Variants in EXOC4 observed in about 807,000 individuals in gnomAD.
The protein encoded by EXOC4 is SEC8-like 1.
A neutral mutation model predicts 107.2 loss-of-function variants in EXOC4; 71 were observed. The ratio of observed to expected loss-of-function variants is 0.66; its 90% CI spans 0.55 to 0.81. EXOC4 has a LOEUF of 0.81. EXOC4 is among the 30% of genes least tolerant of loss of function. The pLI, the probability that EXOC4 is intolerant of heterozygous loss-of-function variation, is 0.00. For synonymous variants in EXOC4, 456 were observed against 441.2 expected, an observed-to-expected ratio of 1.03 and a Z score of -0.42; for missense variants, 1,108 against 1,189.6, an observed-to-expected ratio of 0.93 and a Z score of 1.01.
At chr7:133,791,071 A>G (rs1489586032) in intron 10 of EXOC4, among the ~76,000 whole-genome samples, 1 of 152,190 alleles carries the variant, frequency 6.6e-6, no homozygotes, top group Non-Finnish European at 1.5e-5. Flanking sequence ...TACCATTTTT[A>G]TTACAGCTGG....
At chr7:133,840,553 G>A (rs1798004928) in intron 11 of EXOC4, among the ~76,000 whole-genome samples, 1 of 150,580 alleles carries the variant, frequency 6.6e-6, no homozygotes, top group Non-Finnish European at 1.5e-5. Flanking sequence ...CCCCCAGGCT[G>A]GAGTGCAGTG....
chr7:133,752,597 T>G (rs1034148223), intron 10 of EXOC4, among the ~76,000 whole-genome samples: 1 of 152,110 alleles, frequency 6.6e-6, no homozygotes, highest in Non-Finnish European at 1.5e-5. Flanking sequence ...CACCATCTAT[T>G]AGGGAAAATG....
At chr7:133,386,345 T>G (rs558864254) in intron 7 of EXOC4, among the ~76,000 whole-genome samples, 1 of 152,334 alleles carries the variant, frequency 6.6e-6, no homozygotes, top group Admixed American at 6.5e-5. Context: ...TGATGGTAAT[T>G]GCAATAGCTG....
intron 12 of EXOC4, among the ~76,000 whole-genome samples, chr7:133,898,165 G>A (rs73156916): frequency 0.027 from 4,128 of 152,164 alleles, 101 homozygotes; most frequent in Non-Finnish European, 0.044. Context: ...ATTTTTAACA[G>A]TGTCAGTCTT....
At chr7:133,506,918 CT>C (rs910990238) in intron 9 of EXOC4, among the ~76,000 whole-genome samples, 5 of 151,602 alleles carry the variant, frequency 3.3e-5, no homozygotes, top group African/African-American at 9.7e-5. Context: ...TTTTATTGGA[CT>C]TTTTTTTATT....
At chr7:133,870,495 C>A (rs1470820612) in intron 11 of EXOC4, among the ~76,000 whole-genome samples, 1 of 152,176 alleles carries the variant, frequency 6.6e-6, no homozygotes, top group Non-Finnish European at 1.5e-5. Context: ...CTACATCCAG[C>A]TTTTTGCATA....
intron 9 of EXOC4, among the ~76,000 whole-genome samples, chr7:133,514,479 TAAAAC>T (rs1799836089): frequency 6.6e-6 from 1 of 152,190 alleles, no homozygotes; most frequent in South Asian, 2.1e-4. Context: ...TCTTTATACT[TAAAAC>T]AAGTAACTTT....
chr7:133,629,345 C>G (rs1380631978), intron 9 of EXOC4, among the ~76,000 whole-genome samples: 1 of 152,130 alleles, frequency 6.6e-6, no homozygotes, highest in African/African-American at 2.4e-5. Flanking sequence ...CTTTGAATGG[C>G]AGGCACTTCA....
intron 17 of EXOC4, among the ~76,000 whole-genome samples, chr7:134,034,321 G>A (rs998161938): frequency 6.6e-6 from 1 of 152,198 alleles, no homozygotes; most frequent in African/African-American, 2.4e-5. Context: ...CAACTATACA[G>A]GAAATGTGTG....
rs576255207 is a variant in EXOC4 at position 133,320,521 on chromosome 7, A to G, written c.763+3131A>G. On this transcript the variant is annotated intron_variant, in intron 5 of 17. Transcript: ENST00000253861. ...GTGATTAGATTGATTCCACCTGGAT[A>G]ATTCTGGCTAATCTTCCCATCTCAA... Among the ~76,000 whole-genome samples the G allele has an allele frequency of 3.3e-5, 5 of 152,184 alleles. No individual in the cohort carries two copies. In the East Asian group the frequency reaches 9.6e-4, roughly 29 times the overall value.
downstream of EXOC4, chr7:134,066,232 CT>C (rs1796175488): frequency 1.3e-5 from 2 of 152,214 alleles, no homozygotes; most frequent in Admixed American, 1.3e-4. Flanking sequence ...GATTCTGTAC[CT>C]TTCCTTTTTC....
At chr7:133,586,480 G>A (rs145635216) in intron 9 of EXOC4, among the ~76,000 whole-genome samples, 10 of 152,234 alleles carry the variant, frequency 6.6e-5, no homozygotes, top group African/African-American at 1.7e-4. Context: ...TTCCATGGTC[G>A]TGTATATGTA....
intron 11 of EXOC4, among the ~76,000 whole-genome samples, chr7:133,836,074 A>G (rs1388686922): frequency 6.6e-6 from 1 of 152,220 alleles, no homozygotes; most frequent in Non-Finnish European, 1.5e-5. Context: ...ACATGTAGGC[A>G]CAGGCTAGTT....
intron 17 of EXOC4, among the ~76,000 whole-genome samples, chr7:134,033,809 A>G (rs1377175130): frequency 2.0e-5 from 3 of 152,236 alleles, no homozygotes; most frequent in African/African-American, 7.2e-5. Flanking sequence ...AAAAAAAGTC[A>G]GCTGGTATCA....
intron 10 of EXOC4, among the ~76,000 whole-genome samples, chr7:133,775,170 T>G (rs1031180726): frequency 6.6e-6 from 1 of 152,204 alleles, no homozygotes; most frequent in African/African-American, 2.4e-5. Context: ...ATTTCCCTCC[T>G]AAACTCTTTA....
At chr7:133,669,551 T>G (rs542457584) in intron 10 of EXOC4, among the ~76,000 whole-genome samples, 1 of 147,960 alleles carries the variant, frequency 6.8e-6, no homozygotes, top group African/African-American at 2.5e-5. Flanking sequence ...TTAAATAATA[T>G]TCAAACACAG....
At chr7:133,427,548 TC>T (rs1230941363) in intron 7 of EXOC4, among the ~76,000 whole-genome samples, 1 of 152,192 alleles carries the variant, frequency 6.6e-6, no homozygotes, top group African/African-American at 2.4e-5. Context: ...GCAGTTTGTA[TC>T]TTGGATTAGC....
intron 10 of EXOC4, among the ~76,000 whole-genome samples, chr7:133,662,140 G>A (rs992273722): frequency 2.6e-5 from 4 of 152,102 alleles, no homozygotes; most frequent in Non-Finnish European, 4.4e-5. Flanking sequence ...TTGTTAGGGC[G>A]AGATTCAAAG....
At chr7:133,767,340 A>G (rs187526721) in intron 10 of EXOC4, among the ~76,000 whole-genome samples, 1 of 152,040 alleles carries the variant, frequency 6.6e-6, no homozygotes, top group African/African-American at 2.4e-5. Context: ...GGGGTGCTCA[A>G]TGATGACAGC....
Sources: gnomAD v4.1 joint callset for allele counts (sites outside exome capture counted in the v4.1 genomes callset) on GRCh38, gnomAD v4.1.1 for gene constraint, MANE v1.5 for transcripts, NCBI Gene and HGNC (gene_info 2026-07-23, HGNC 2026-07-21) for gene names.